The following SPNS2 variants were observed in gnomAD, a reference collection of about 807,000 sequenced individuals.
The protein encoded by SPNS2 is sphingosine-1-phosphate transporter SPNS2.
Under a neutral mutation model 57.6 loss-of-function variants are expected in SPNS2, and 37 were observed. That is an observed-to-expected ratio of 0.64 (90% confidence interval 0.49 to 0.85). The LOEUF (loss-of-function observed/expected upper bound fraction) is 0.85. Among genes scored for constraint, SPNS2 ranks in the 40% least tolerant of loss-of-function variants. The pLI is 0.00. For missense variants in SPNS2, 831 were observed against 779.1 expected, an observed-to-expected ratio of 1.07 and a Z score of -0.79; for synonymous variants, 440 against 346.9, an observed-to-expected ratio of 1.27 and a Z score of -2.98.
At chr17:4,528,934 TA>T (rs1905345413) in intron 3 of SPNS2, among the ~76,000 whole-genome samples, 1 of 150,726 alleles carries the variant, frequency 6.6e-6, no homozygotes, top group African/African-American at 2.4e-5. Flanking sequence ...CGCTAATTTT[TA>T]TCTTTTCTTT....
At chr17:4,504,249 T>C (rs1404321724) in intron 1 of SPNS2, among the ~76,000 whole-genome samples, 1 of 152,210 alleles carries the variant, frequency 6.6e-6, no homozygotes, top group East Asian at 1.9e-4. Flanking sequence ...GGGCAGGGCA[T>C]CCAGAGTGTC....
rs1337253007 is a variant in SPNS2 at position 4,512,514 on chromosome 17, G to A, written c.371-733G>A. Among the ~76,000 whole-genome samples, 2 of 152,126 alleles carry A rather than the reference G, an allele frequency of 1.3e-5. No homozygotes were observed. Among genetic ancestry groups the A allele is most frequent in the African/African-American group, 4.8e-5 (2 of 41,436 alleles). ...GGCTTGGAAGCGGGTGTGGCCTCAA[G>A]AAATCCACTTCTCCCAAGAAAACGG... is the stretch of plus-strand genomic sequence containing the variant. On this transcript the variant is annotated intron_variant, in intron 1 of 12. Coordinates refer to ENST00000329078, the MANE Select transcript of SPNS2 (RefSeq NM_001124758.3). This position sits in a 1 kb window ranked among gnomAD's most constrained non-coding sequence, Gnocchi z 5.2.
chr17:4,533,173 G>A (rs766105762), intron 7 of SPNS2, 44 bp downstream of exon 7: 17 of 1,583,534 alleles, frequency 1.1e-5, no homozygotes, highest in Non-Finnish European at 1.5e-5. Flanking sequence ...AGGGACCTCG[G>A]ACAGGAGAGC....
chr17:4,523,423 G>A (rs943731442), intron 2 of SPNS2, among the ~76,000 whole-genome samples: 4 of 152,120 alleles, frequency 2.6e-5, no homozygotes, highest in African/African-American at 4.8e-5. Flanking sequence ...CCTGAGCAAC[G>A]GAGCAAGACA....
intron 2 of SPNS2, among the ~76,000 whole-genome samples, chr17:4,516,535 C>T (rs1469706707): frequency 6.6e-6 from 1 of 152,176 alleles, no homozygotes; most frequent in African/African-American, 2.4e-5. Context: ...AGCCACCACC[C>T]AGGCACAGGG....
Position 4,511,854 on chromosome 17 carries a change from A to G in SPNS2, c.371-1393A>G, listed in dbSNP as rs1015583329. Among the ~76,000 whole-genome samples the G allele has an allele frequency of 2.0e-5, 3 of 152,146 alleles. No homozygotes were observed. The highest frequency in any genetic ancestry group is 7.2e-5 in the African/African-American group (3 of 41,440). ...TTCCAACCTGGGTCTCGGAAGGGAC[A>G]GTGACGTTCCAGCCTCCCCACTCCT... On this transcript the variant is annotated intron_variant, in intron 1 of 12. Transcript: ENST00000329078. This position sits in a 1 kb window ranked among gnomAD's most constrained non-coding sequence, Gnocchi z 4.6.
At chr17:4,535,748 C>A (rs1905748725) in intron 9 of SPNS2, among the ~76,000 whole-genome samples, 1 of 152,036 alleles carries the variant, frequency 6.6e-6, no homozygotes, top group African/African-American at 2.4e-5. Context: ...GGTTTGAGGC[C>A]AATGACGCTT....
Position 4,499,329 on chromosome 17 carries a change from G to C in SPNS2, c.282G>C (p.Pro94=), listed in dbSNP as rs887363893. 4.1e-6 allele frequency: 6 copies of C among 1,475,102 alleles called. No homozygotes were observed. Among genetic ancestry groups the C allele is most frequent in the Non-Finnish European group, 5.4e-6 (6 of 1,118,108 alleles). The allele number at this position is 1,475,102 out of a possible 1,614,324, so 91.4% of individuals were successfully genotyped here. A position where few individuals can be genotyped will look rare whatever the true frequency, so the allele number is the denominator to read the frequency against. Residue 94 remains proline (P), a synonymous_variant, in exon 1 of 13, where the codon CCG becomes CCC. Transcript: ENST00000329078. This position sits in a 1 kb window ranked among gnomAD's most constrained non-coding sequence, Gnocchi z 5.2. ...AKGPGAQQPK[P]ASLGRGRGAA... is the part of the protein sequence containing the mutation. ...GCCCCGGCGCTCAGCAGCCCAAACC[G>C]GCCAGCTTGGGCCGCGGGCGGGGGG... is the stretch of plus-strand genomic sequence containing the variant.
At chr17:4,528,905 C>T (rs544399180) in intron 3 of SPNS2, among the ~76,000 whole-genome samples, 8 of 151,918 alleles carry the variant, frequency 5.3e-5, no homozygotes, top group African/African-American at 1.4e-4. Flanking sequence ...TCCTAAGTAG[C>T]TAGGATGCAT....
chr17:4,513,267 C>T lies in SPNS2; in HGVS notation c.391C>T (p.Gln131Ter), dbSNP rs1353447857. 3 of 1,614,076 alleles carry T rather than the reference C, an allele frequency of 1.9e-6. No individual in the cohort carries two copies. Among genetic ancestry groups the T allele is most frequent in the South Asian group, 1.1e-5 (1 of 91,086 alleles). The change falls in exon 2 of 13, where the codon CAG becomes TAG. Residue 131 changes from glutamine to a stop codon, truncating the protein, a stop_gained. Transcript: ENST00000329078. LOFTEE classifies it high-confidence loss of function. Reference sequence around the variant, plus strand: ...TCCAGGCGTCCTTCTGGACATCCAGCAGCACTTTGGGGTCAAGGACCGAGG... The same window carrying T: ...TCCAGGCGTCCTTCTGGACATCCAGTAGCACTTTGGGGTCAAGGACCGAGG... Reference protein sequence around the residue: ...TVAGVLLDIQQHFGVKDRGAG... With the variant: ...TVAGVLLDIQ
intron 1 of SPNS2, among the ~76,000 whole-genome samples, chr17:4,502,324 G>C (rs12103847): frequency 0.17 from 25,676 of 151,202 alleles, 3,132 homozygotes; most frequent in East Asian, 0.64. Flanking sequence ...AGGTTGCATT[G>C]AGCCAAGATC....
intron 9 of SPNS2, among the ~76,000 whole-genome samples, chr17:4,535,658 A>G (rs952827721): frequency 6.6e-6 from 1 of 152,160 alleles, no homozygotes; most frequent in Non-Finnish European, 1.5e-5. Context: ...GGCAACCCCC[A>G]AAGTATCATT....
chr17:4,503,605 C>T (rs1016400634), intron 1 of SPNS2, among the ~76,000 whole-genome samples: 1 of 152,220 alleles, frequency 6.6e-6, no homozygotes, highest in Non-Finnish European at 1.5e-5. Flanking sequence ...AGGGAGGTGG[C>T]CCTGGCCTTG....
At chr17:4,505,803 G>A (rs562723943) in intron 1 of SPNS2, among the ~76,000 whole-genome samples, 1 of 152,238 alleles carries the variant, frequency 6.6e-6, no homozygotes, top group Non-Finnish European at 1.5e-5. Flanking sequence ...GGAGGCTGGG[G>A]ACAGGGTCCT....
intron 1 of SPNS2, among the ~76,000 whole-genome samples, chr17:4,500,538 A>AC (rs1165396670): frequency 6.6e-6 from 1 of 152,142 alleles, no homozygotes. Flanking sequence ...ATGCTGGCCC[A>AC]GAACCTGCGT....
At chr17:4,536,462 C>G (rs376934065) in intron 11 of SPNS2, 36 bp downstream of exon 11, 4 of 1,573,374 alleles carry the variant, frequency 2.5e-6, no homozygotes, top group Non-Finnish European at 3.4e-6. Context: ...GCTGCACCGC[C>G]GGGAAGCAGG....
Position 4,512,669 on chromosome 17 carries a change from T to C in SPNS2, c.371-578T>C, listed in dbSNP as rs761553443. On this transcript the variant is annotated intron_variant, in intron 1 of 12. Transcript: ENST00000329078. This position sits in a 1 kb window ranked among gnomAD's most constrained non-coding sequence, Gnocchi z 5.2. ...GCGTGCGCGCGCACGGGTATGTGTG[T>C]GCGCGCGTGGGTGTGTATGCATGTG... is the stretch of plus-strand genomic sequence containing the variant. Among the ~76,000 whole-genome samples the C allele has an allele frequency of 1.1e-4, 16 of 147,952 alleles. No individual in the cohort carries two copies. The highest frequency in any genetic ancestry group is 4.0e-4 in the Admixed American group (6 of 15,094).
chr17:4,505,192 C>A (rs1448175581), intron 1 of SPNS2, among the ~76,000 whole-genome samples: 2 of 152,184 alleles, frequency 1.3e-5, no homozygotes, highest in Non-Finnish European at 2.9e-5. Context: ...ATGGTCACAC[C>A]TGGGACCCCC....
chr17:4,510,261 G>C lies in SPNS2; in HGVS notation c.371-2986G>C, dbSNP rs979488783. On this transcript the variant is annotated intron_variant, in intron 1 of 12. Transcript: ENST00000329078. The surrounding 1 kb of genome is among the most constrained non-coding windows in gnomAD (Gnocchi z 4.4). ...CTCTCTGGTCTTCTTCCTGGAGCTTGGACTTGGACCCAAGACTGGGCGCTG... is the reference window on the plus strand; with the variant it reads ...CTCTCTGGTCTTCTTCCTGGAGCTTCGACTTGGACCCAAGACTGGGCGCTG... 6.6e-6 allele frequency among the ~76,000 whole-genome samples: 1 copy of C among 152,212 alleles called. No individual in the cohort carries two copies. The highest frequency in any genetic ancestry group is 1.5e-5 in the Non-Finnish European group (1 of 68,028).
Sources: gnomAD v4.1 joint callset for allele counts (sites outside exome capture counted in the v4.1 genomes callset) on GRCh38, gnomAD v4.1.1 for gene constraint, Gnocchi (gnomAD v3.1) non-coding constraint, MANE v1.5 for transcripts, NCBI Gene and HGNC (gene_info 2026-07-23, HGNC 2026-07-21) for gene names.